The following OFD1 variants were observed in gnomAD, a reference collection of about 807,000 sequenced individuals.
OFD1 encodes centriole and centriolar satellite protein OFD1.
Under a neutral mutation model 81.4 loss-of-function variants are expected in OFD1, and 12 were observed. That is an observed-to-expected ratio of 0.15 (90% CI 0.09 to 0.24). The LOEUF (loss-of-function observed/expected upper bound fraction) is 0.24. Among genes scored for constraint, OFD1 ranks in the 10% least tolerant of loss-of-function variants. OFD1 has a pLI of 1.00. For missense variants in OFD1, 685 were observed against 733.9 expected, an observed-to-expected ratio of 0.93 and a Z score of 0.77; for synonymous variants, 256 against 263.7, an observed-to-expected ratio of 0.97 and a Z score of 0.28.
At chrX:13,727,316 T>C in the OFD1 span, among the ~76,000 whole-genome samples, 5 of 112,170 alleles carry the variant, frequency 4.5e-5, no homozygotes, top group African/African-American at 1.6e-4. Context: ...CAGCACCACA[T>C]TGCACTTATT....
At chrX:13,753,704 T>C (rs1043030307) in intron 11 of OFD1, among the ~76,000 whole-genome samples, 6 of 112,328 alleles carry the variant, frequency 5.3e-5, no homozygotes, top group Non-Finnish European at 1.1e-4. Context: ...TTATTTCATA[T>C]ATTTTGATAA....
At chrX:13,745,055 C>G (rs189679675) in intron 6 of OFD1, among the ~76,000 whole-genome samples, 1 of 112,066 alleles carries the variant, frequency 8.9e-6, no homozygotes, top group Non-Finnish European at 1.9e-5. Context: ...TCCTGTCTGT[C>G]AGTTTCGTGC....
intron 6 of OFD1, 63 bp downstream of exon 6, chrX:13,744,582 T>A: frequency 2.8e-6 from 2 of 715,085 alleles, no homozygotes; most frequent in Non-Finnish European, 4.5e-6. Flanking sequence ...AAGGAAATTA[T>A]CTGATTTACC....
chrX:13,738,869 A>G lies in OFD1; in HGVS notation c.336A>G (p.Leu112=). Residue 112 remains leucine (L), a synonymous_variant, in exon 4 of 23, where the codon TTA becomes TTG. Coordinates refer to ENST00000340096, the MANE Select transcript of OFD1 (RefSeq NM_003611.3). ...AGGTATTTACTATGCAGGATCTATT[A>G]CAACTCATTAAAATCAACCCTACTT... The part of the protein sequence containing the change: ...KEKVFTMQDL[L]QLIKINPTSS... 1.7e-6 allele frequency: 2 copies of G among 1,183,657 alleles called. No individual in the cohort carries two copies. The highest frequency in any genetic ancestry group is 1.7e-5 in the African/African-American group (1 of 57,308).
intron 16 of OFD1, 65 bp downstream of exon 16, chrX:13,760,785 CAG>C: frequency 3.4e-6 from 4 of 1,182,497 alleles, no homozygotes; most frequent in Admixed American, 2.2e-5. Flanking sequence ...GCCCACGACA[CAG>C]GGTTGCCGTG....
intron 15 of OFD1, among the ~76,000 whole-genome samples, chrX:13,758,864 GTTC>G (rs2047816112): frequency 9.0e-6 from 1 of 111,550 alleles, no homozygotes; most frequent in Admixed American, 9.5e-5. Flanking sequence ...AATCAGAACT[GTTC>G]TTCTTTTGGA....
At chrX:13,720,305 G>A in the OFD1 span, 1 of 134,799 alleles carries the variant, frequency 7.4e-6, no homozygotes, top group Non-Finnish European at 1.5e-5. Context: ...GTCTGGTAGA[G>A]TAAGCTGGGC....
At chrX:13,758,807 T>C (rs1350095157) in intron 15 of OFD1, among the ~76,000 whole-genome samples, 2 of 111,457 alleles carry the variant, frequency 1.8e-5, no homozygotes, top group African/African-American at 6.5e-5. Flanking sequence ...GATATATAAA[T>C]ATACAGGACA....
intron 16 of OFD1, 147 bp downstream of exon 16, chrX:13,760,867 C>G (rs2047902916): frequency 1.2e-6 from 1 of 839,447 alleles, no homozygotes; most frequent in Admixed American, 2.7e-5. Flanking sequence ...TGATAGTTGC[C>G]TTGCCTTTGC....
the OFD1 span, among the ~76,000 whole-genome samples, chrX:13,727,072 A>T: frequency 9.8e-5 from 11 of 112,244 alleles, no homozygotes; most frequent in Non-Finnish European, 2.1e-4. Context: ...CTAAATATAT[A>T]TGCACCCAAT....
chrX:13,753,306 CTGA>C (rs770169789), intron 10 of OFD1, 59 bp from the exon 11 acceptor site: 18 of 1,207,410 alleles, frequency 1.5e-5, no homozygotes, highest in Non-Finnish European at 1.6e-5. Flanking sequence ...AGCTCCTGCA[CTGA>C]TAACAGTCTT....
chrX:13,753,449 T>A lies in OFD1; in HGVS notation c.1129+8T>A, dbSNP rs199572133. 62 of 1,206,479 alleles carry A rather than the reference T, an allele frequency of 5.1e-5. No individual in the cohort carries two copies. The African/African-American group carries it at 8.2e-4, about 16-fold the overall frequency. On this transcript the variant is annotated splice_region_variant and intron_variant, in intron 11 of 22. Coordinates refer to ENST00000340096, the MANE Select transcript of OFD1 (RefSeq NM_003611.3). ...ATGAAAGGAAGAATAAAGGTGATGTTTGGGGGGAAAATAAGCTGTATTTTT... is the reference window on the plus strand; with the variant it reads ...ATGAAAGGAAGAATAAAGGTGATGTATGGGGGGAAAATAAGCTGTATTTTT...
intron 12 of OFD1, among the ~76,000 whole-genome samples, chrX:13,755,771 G>C (rs778231056): frequency 9.0e-6 from 1 of 111,291 alleles, no homozygotes; most frequent in African/African-American, 3.3e-5. Context: ...TGTGCTTGCT[G>C]TCTGAAGGAT....
At chrX:13,765,609 A>G (rs1051816981) in intron 19 of OFD1, among the ~76,000 whole-genome samples, 1 of 111,355 alleles carries the variant, frequency 9.0e-6, no homozygotes, top group Non-Finnish European at 1.9e-5. Context: ...AGGCACAGCA[A>G]AAAGGTTCAA....
At chrX:13,747,052 C>A in intron 8 of OFD1, 99 bp downstream of exon 8, 1 of 785,778 alleles carries the variant, frequency 1.3e-6, no homozygotes, top group Non-Finnish European at 2.0e-6. Context: ...TGGAACAAGG[C>A]CCCAGAAGAG....
Position 13,739,007 on chromosome X carries a change from A to G in OFD1, c.387A>G (p.Ser129=), listed in dbSNP as rs1471986431. ...GAAATATTTTCTTTTAACAGGTTTCAGGATCTGATAAAGAAAATCAAAAAG... is the reference window on the plus strand; with the variant it reads ...GAAATATTTTCTTTTAACAGGTTTCGGGATCTGATAAAGAAAATCAAAAAG... ...PTSSLYKSLV[S]GSDKENQKGF... Residue 129 remains serine, a synonymous_variant, in exon 5 of 23, where the codon TCA becomes TCG. Transcript: ENST00000340096. 6 of 1,202,565 alleles carry G rather than the reference A, an allele frequency of 5.0e-6. No homozygotes were observed. The Admixed American group carries it at 1.1e-4, about 22-fold the overall frequency.
intron 5 of OFD1, chrX:13,739,934 A>G: frequency 1.3e-6 from 1 of 753,869 alleles, no homozygotes; most frequent in Non-Finnish European, 1.6e-6. Context: ...TAGGTCTTTT[A>G]AAATAATCTG....
the OFD1 span, among the ~76,000 whole-genome samples, chrX:13,723,485 T>C: frequency 8.9e-6 from 1 of 111,820 alleles, no homozygotes; most frequent in African/African-American, 3.3e-5. Flanking sequence ...AAACGTTTTA[T>C]AAAAGTTCTG....
At position 13,736,582 on chromosome X, in the gene OFD1, C is replaced by A. The variant is rs369907022; in HGVS notation, c.216C>A (p.Gly72=). Reference sequence around the variant, plus strand: ...TAGAAGGGAGCTCCCTCTTAATAGGCGCCTCTAACTCTTTAGTGGCAGATC... The same window carrying A: ...TAGAAGGGAGCTCCCTCTTAATAGGAGCCTCTAACTCTTTAGTGGCAGATC... ...ISVEGSSLLI[G]ASNSLVADHL... is the part of the protein sequence containing the mutation. Residue 72 remains glycine (G), a synonymous_variant, in exon 3 of 23, where the codon GGC becomes GGA. Coordinates refer to ENST00000340096, the MANE Select transcript of OFD1 (RefSeq NM_003611.3). 16 of 1,204,465 alleles carry A rather than the reference C, an allele frequency of 1.3e-5. No homozygotes were observed. The African/African-American group carries it at 2.8e-4, about 21-fold the overall frequency.
Sources: gnomAD v4.1 joint callset for allele counts (sites outside exome capture counted in the v4.1 genomes callset) on GRCh38, gnomAD v4.1.1 for gene constraint, MANE v1.5 for transcripts, NCBI Gene and HGNC (gene_info 2026-07-23, HGNC 2026-07-21) for gene names.